Variants in FIBCD1 observed in about 807,000 individuals in gnomAD.
FIBCD1 encodes the protein fibrinogen C domain-containing protein 1.
A neutral mutation model predicts 45.1 loss-of-function variants in FIBCD1; 47 were observed. The ratio of observed to expected loss-of-function variants is 1.04; its 90% CI spans 0.82 to 1.33. The LOEUF is 1.33. FIBCD1 is among the 40% of genes most tolerant of loss of function. FIBCD1 has a pLI of 0.00. For synonymous variants in FIBCD1, 313 were observed against 308.1 expected (o/e 1.02, Z -0.17); for missense variants, 653 against 682.2 (o/e 0.96, Z 0.48).
At chr9:130,905,952 G>T (rs1831920497) in intron 5 of FIBCD1, among the ~76,000 whole-genome samples, 1 of 151,892 alleles carries the variant, frequency 6.6e-6, no homozygotes, top group Admixed American at 6.6e-5. Flanking sequence ...ATCTTTCAGG[G>T]TCCCGGCTGC....
At chr9:130,915,635 G>A (rs1282391984) in intron 4 of FIBCD1, among the ~76,000 whole-genome samples, 1 of 152,166 alleles carries the variant, frequency 6.6e-6, no homozygotes, top group Non-Finnish European at 1.5e-5. Context: ...CCCAGGAGGC[G>A]TGGTTGCAGT....
At position 130,903,966 on chromosome 9, in the gene FIBCD1, G is replaced by A. The variant is rs751015097; in HGVS notation, c.*98C>T. ...CCCCTCCCTACTGGAGAGTGGGTCC[G>A]CCAGGCACAGGTGGGTGGAGAACAT... is the stretch of plus-strand genomic sequence containing the variant. On this transcript the variant is annotated 3_prime_UTR_variant, in exon 7 of 7. Transcript: ENST00000372338. 12 of 1,500,766 alleles carry A rather than the reference G, an allele frequency of 8.0e-6. No individual in the cohort carries two copies. The highest frequency in any genetic ancestry group is 2.5e-5 in the East Asian group (1 of 40,770). The allele number at this position is 1,500,766 out of a possible 1,614,324, so 93.0% of individuals were successfully genotyped here.
intron 1 of FIBCD1, among the ~76,000 whole-genome samples, chr9:130,931,766 A>T (rs548417508): frequency 9.2e-5 from 14 of 152,372 alleles, no homozygotes; most frequent in African/African-American, 3.4e-4. Context: ...ATAAAAGCAG[A>T]ACTGGGATTA....
chr9:130,915,469 G>A (rs752223545), intron 4 of FIBCD1, among the ~76,000 whole-genome samples: 69 of 152,300 alleles, frequency 4.5e-4, no homozygotes, highest in Non-Finnish European at 8.8e-4. Flanking sequence ...TTGGGAGGCC[G>A]AGGCAGGCAG....
chr9:130,923,966 T>C (rs1431167233), intron 3 of FIBCD1, 86 bp from the exon 4 acceptor site: 8 of 1,586,788 alleles, frequency 5.0e-6, no homozygotes, highest in Non-Finnish European at 6.9e-6. Flanking sequence ...CCATCGATAA[T>C]GCATGTGGGG....
intron 2 of FIBCD1, among the ~76,000 whole-genome samples, chr9:130,925,380 G>C (rs1588111228): frequency 6.6e-6 from 1 of 152,292 alleles, no homozygotes; most frequent in East Asian, 1.9e-4. Flanking sequence ...TTGTGTAGGA[G>C]ACCAGGGTCA....
At position 130,902,769 on chromosome 9, in the gene FIBCD1, G is replaced by A. The variant is rs1831858176; in HGVS notation, c.*1295C>T. 1 of 152,294 alleles carries A rather than the reference G, an allele frequency of 6.6e-6. No homozygotes were observed. Among genetic ancestry groups the A allele is most frequent in the African/African-American group, 2.4e-5 (1 of 41,470 alleles). 9.4% of individuals were successfully genotyped at this position (152,294 alleles called of 1,614,324 possible). ...ACGCACGCGGGTCCAGGGCTGCTGAGCAGACAGCTGAGGACCCGGCTCCAG... is the reference window on the plus strand; with the variant it reads ...ACGCACGCGGGTCCAGGGCTGCTGAACAGACAGCTGAGGACCCGGCTCCAG... On this transcript the variant is annotated 3_prime_UTR_variant, in exon 7 of 7. Coordinates refer to ENST00000372338, the MANE Select transcript of FIBCD1 (RefSeq NM_032843.5).
intron 4 of FIBCD1, among the ~76,000 whole-genome samples, chr9:130,916,211 G>C (rs1294572879): frequency 6.6e-6 from 1 of 152,230 alleles, no homozygotes; most frequent in Non-Finnish European, 1.5e-5. Context: ...TTATAGGCGT[G>C]AGCCACCGCG....
At chr9:130,938,421 C>T in intron 1 of FIBCD1, 115 bp downstream of exon 1, 1 of 872,580 alleles carries the variant, frequency 1.1e-6, no homozygotes, top group South Asian at 2.4e-5. Flanking sequence ...GCCTCCGGAG[C>T]CTCGAAGGGG....
At chr9:130,937,571 C>T (rs929151958) in intron 1 of FIBCD1, among the ~76,000 whole-genome samples, 5 of 152,210 alleles carry the variant, frequency 3.3e-5, no homozygotes, top group African/African-American at 9.6e-5. Context: ...CCGCCCCCTC[C>T]TGCAGCTGCA....
Position 130,903,494 on chromosome 9 carries a change from TGGGGCCACCCAGCCCACAGCCA to T in FIBCD1, c.*548_*569del. 5.5e-6 allele frequency: 1 copy of T among 180,894 alleles called. No individual in the cohort carries two copies. The highest frequency in any genetic ancestry group is 1.2e-5 in the Non-Finnish European group (1 of 85,656). 11.2% of individuals were successfully genotyped at this position (180,894 alleles called of 1,614,324 possible). A position where few individuals can be genotyped will look rare whatever the true frequency, so the allele number is the denominator to read the frequency against. On this transcript the variant is annotated 3_prime_UTR_variant, in exon 7 of 7. Coordinates refer to ENST00000372338, the MANE Select transcript of FIBCD1 (RefSeq NM_032843.5). ...ATCCTGACCTCAGGGCCTGGTAGGA[TGGGGCCACCCAGCCCACAGCCA>T]GGCTGAGGCCCTTGGGGGAGAGGTG...
In FIBCD1 at chr9:130,924,322, C is replaced by T. The variant is rs887633365; in HGVS notation, c.627G>A (p.Arg209=). The change falls in exon 3 of 7, where the codon AGG becomes AGA. Residue 209 remains arginine (R), a synonymous_variant. Coordinates refer to ENST00000372338, the MANE Select transcript of FIBCD1 (RefSeq NM_032843.5). The part of the protein sequence containing the change: ...SVSDILDALQ[R]DRGLGRPRNK... ...TGCGGGGCCGGCCCAGCCCCCGGTC[C>T]CTCTGCAGGGCATCCAGGATGTCGC... The T allele has an allele frequency of 6.2e-7, 1 of 1,607,506 alleles. No homozygotes were observed. The highest frequency in any genetic ancestry group is 1.7e-5 in the Admixed American group (1 of 59,412).
Position 130,929,689 on chromosome 9 carries a change from G to T in FIBCD1, c.430C>A (p.Leu144Met). 1.2e-6 allele frequency: 2 copies of T among 1,603,708 alleles called. No homozygotes were observed. Among genetic ancestry groups the T allele is most frequent in the Non-Finnish European group, 8.5e-7 (1 of 1,175,972 alleles). Reference protein sequence around the residue: ...QELLDTLADQLPRLLARASEL... With the variant: ...QELLDTLADQMPRLLARASEL... ...GAGGCTCGGGCCAGCAGCCGGGGCAGCTGGTCGGCCAGCGTGTCCAGCAGC... is the reference window on the plus strand; with the variant it reads ...GAGGCTCGGGCCAGCAGCCGGGGCATCTGGTCGGCCAGCGTGTCCAGCAGC... The change falls in exon 2 of 7, where the codon CTG (leucine) becomes ATG (methionine). Residue 144 changes from leucine to methionine, a missense_variant. Physicochemically the swap from Leu to Met is conservative, Grantham distance 15. Transcript: ENST00000372338.
chr9:130,917,678 C>A (rs1158563544), intron 4 of FIBCD1, among the ~76,000 whole-genome samples: 3 of 152,228 alleles, frequency 2.0e-5, no homozygotes, highest in African/African-American at 7.2e-5. Context: ...CAGCTAGCGT[C>A]CTGAGCACTG....
chr9:130,919,940 T>C (rs530263517), intron 4 of FIBCD1, among the ~76,000 whole-genome samples: 67 of 136,772 alleles, frequency 4.9e-4, no homozygotes, highest in African/African-American at 1.7e-3. Flanking sequence ...CCCCGGCAGA[T>C]TGCAGTGGGG....
intron 2 of FIBCD1, among the ~76,000 whole-genome samples, chr9:130,928,267 A>G (rs910140454): frequency 1.3e-5 from 2 of 152,108 alleles, no homozygotes; most frequent in East Asian, 1.9e-4. Flanking sequence ...TGCGCAGGCT[A>G]TTGGGAGGGC....
upstream of FIBCD1, among the ~76,000 whole-genome samples, chr9:130,940,341 A>G (rs113499905): frequency 9.4e-3 from 1,439 of 152,398 alleles, 10 homozygotes; most frequent in Admixed American, 0.016. Context: ...CTTCCAGGAC[A>G]ACCGCTGGCC....
chr9:130,913,253 T>G (rs1832096839), intron 4 of FIBCD1, among the ~76,000 whole-genome samples: 3 of 104,306 alleles, frequency 2.9e-5, no homozygotes, highest in Non-Finnish European at 5.2e-5. Flanking sequence ...TTTAACAAGC[T>G]TTATTCTCCT....
chr9:130,915,865 C>A (rs981924700), intron 4 of FIBCD1, among the ~76,000 whole-genome samples: 1 of 152,132 alleles, frequency 6.6e-6, no homozygotes, highest in Non-Finnish European at 1.5e-5. Flanking sequence ...GAGATGCAGC[C>A]GACGTCACCA....
Sources: allele counts gnomAD v4.1 joint callset (sites outside exome capture counted in the v4.1 genomes callset), GRCh38; gene constraint gnomAD v4.1.1; transcripts MANE v1.5; gene names NCBI Gene and HGNC (gene_info 2026-07-23, HGNC 2026-07-21).